The following FAM184B variants were observed in gnomAD, a reference collection of about 807,000 sequenced individuals.
FAM184B encodes the protein protein FAM184B.
In FAM184B, 111 loss-of-function variants were observed where a neutral mutation model predicts 135.9. The ratio of observed to expected loss-of-function variants is 0.82; its 90% CI spans 0.70 to 0.96. The LOEUF is 0.96. Among genes scored for constraint, FAM184B ranks in the 40% least tolerant of loss-of-function variants. The pLI, the probability that FAM184B is intolerant of heterozygous loss-of-function variation, is 0.00. For synonymous variants in FAM184B, 552 were observed against 524.8 expected, an observed-to-expected ratio of 1.05 and a Z score of -0.71; for missense variants, 1,375 against 1,323.9, an observed-to-expected ratio of 1.04 and a Z score of -0.60.
chr4:17,671,706 G>C (rs1052399337), intron 7 of FAM184B, among the ~76,000 whole-genome samples: 1 of 152,022 alleles, frequency 6.6e-6, no homozygotes, highest in African/African-American at 2.4e-5. Context: ...ACCTGACGGA[G>C]AATAAAAATA....
rs1483406044 is a variant in FAM184B, at chr4:17,641,518, G to A, written c.2519+538C>T. 1.6e-4 allele frequency among the ~76,000 whole-genome samples: 18 copies of A among 113,838 alleles called. 1 individual carries two copies. The highest frequency in any genetic ancestry group is 8.7e-4 in the Admixed American group (8 of 9,182). The allele number at this position is 113,838 out of a possible 152,430, so 74.7% of individuals were successfully genotyped here. On this transcript the variant is annotated intron_variant, in intron 13 of 17. Coordinates refer to ENST00000265018, the MANE Select transcript of FAM184B (RefSeq NM_015688.2). The stretch of plus-strand genomic sequence containing the variant: ...TTTTGAGACGGAGTCTTGCATTGTC[G>A]CCCAGGCTGGAGTGCAATGGCGCGA...
chr4:17,688,304 C>T, intron 7 of FAM184B, 120 bp downstream of exon 7: 2 of 669,154 alleles, frequency 3.0e-6, no homozygotes, highest in African/African-American at 1.9e-5. Flanking sequence ...GGCATTTTGG[C>T]AGTGTCGAGG....
chr4:17,642,687 G>C (rs182734750), intron 12 of FAM184B, among the ~76,000 whole-genome samples: 1 of 152,352 alleles, frequency 6.6e-6, no homozygotes, highest in Non-Finnish European at 1.5e-5. Flanking sequence ...ACACTGAAGA[G>C]AATATGTGTC....
At chr4:17,725,401 G>A (rs1053554829) in intron 1 of FAM184B, among the ~76,000 whole-genome samples, 2 of 152,188 alleles carry the variant, frequency 1.3e-5, no homozygotes, top group Non-Finnish European at 2.9e-5. Flanking sequence ...GCCTATTTAA[G>A]AAATGCTATT....
At chr4:17,717,736 A>C (rs1577274749) in intron 1 of FAM184B, among the ~76,000 whole-genome samples, 1 of 152,040 alleles carries the variant, frequency 6.6e-6, no homozygotes, top group Admixed American at 6.6e-5. Context: ...TAAGCATCAG[A>C]TCCTGATGAC....
At chr4:17,778,260 A>G (rs1185670080) in intron 1 of FAM184B, among the ~76,000 whole-genome samples, 1 of 152,228 alleles carries the variant, frequency 6.6e-6, no homozygotes, top group Non-Finnish European at 1.5e-5. Context: ...AACCAGCAAC[A>G]CTTAGTACCA....
In FAM184B at chr4:17,740,308, C is replaced by T. The variant is rs60485431; in HGVS notation, c.142-30664G>A. Among the ~76,000 whole-genome samples the T allele has an allele frequency of 3.8e-3, 521 of 138,664 alleles. 3 individuals are homozygous for T. The highest frequency in any genetic ancestry group is 0.012 in the African/African-American group (445 of 36,986). 91.0% of individuals were successfully genotyped at this position (138,664 alleles called of 152,430 possible). ...CAGAGGTTGCAGTGAGCTGAGATCA[C>T]GCTACTGCACTCCAGCCTGGGCGAC... On this transcript the variant is annotated intron_variant, in intron 1 of 17. Transcript: ENST00000265018.
intron 1 of FAM184B, among the ~76,000 whole-genome samples, chr4:17,756,635 G>A (rs1202171068): frequency 3.3e-5 from 5 of 152,158 alleles, no homozygotes; most frequent in Admixed American, 3.3e-4. Context: ...GCTATTAAAT[G>A]AAGATGGGGT....
chr4:17,632,576 C>T lies in FAM184B; in HGVS notation c.3139G>A (p.Gly1047Ser), dbSNP rs1198236979. 1.3e-6 allele frequency: 2 copies of T among 1,551,278 alleles called. No homozygotes were observed. Among genetic ancestry groups the T allele is most frequent in the Non-Finnish European group, 1.7e-6 (2 of 1,146,836 alleles). The change falls in exon 18 of 18, where the codon GGC becomes AGC. Residue 1047 changes from glycine to serine, a missense_variant. Physicochemically the swap from Gly to Ser is moderately conservative, Grantham distance 56. Transcript: ENST00000265018. Reference protein sequence around the residue: ...AQAKEVQQKQGSPHQEWFTKY... With the variant: ...AQAKEVQQKQSSPHQEWFTKY... ...GTGAACCATTCCTGGTGCGGAGAGCCCTGTTTCTGCTGGACTTCTTTGGCT... is the reference window on the plus strand; with the variant it reads ...GTGAACCATTCCTGGTGCGGAGAGCTCTGTTTCTGCTGGACTTCTTTGGCT...
chr4:17,663,952 CCT>C lies in FAM184B; in HGVS notation c.1694+608_1694+609del, dbSNP rs371754914. ...CGCCATGTAAGATATGCCTGCTTCCCCTTCTGGCATGATTGTAAGTTTCCTGA... is the reference window on the plus strand; with the variant it reads ...CGCCATGTAAGATATGCCTGCTTCCCTCTGGCATGATTGTAAGTTTCCTGA... On this transcript the variant is annotated intron_variant, in intron 8 of 17. Transcript: ENST00000265018. Among the ~76,000 whole-genome samples, 158 of 152,228 alleles carry C rather than the reference CCT, an allele frequency of 1.0e-3. 2 individuals are homozygous for C. The South Asian group carries it at 0.021, about 20-fold the overall frequency.
intron 7 of FAM184B, 82 bp from the exon 8 acceptor site, chr4:17,664,741 T>C (rs1020989854): frequency 1.1e-5 from 13 of 1,204,162 alleles, no homozygotes; most frequent in Non-Finnish European, 1.5e-5. Flanking sequence ...CTGTGGCTTA[T>C]TCAAATCAGA....
At chr4:17,721,108 G>C (rs894064010) in intron 1 of FAM184B, among the ~76,000 whole-genome samples, 8 of 151,330 alleles carry the variant, frequency 5.3e-5, no homozygotes, top group Admixed American at 2.6e-4. Context: ...ATCTCGGCTG[G>C]GCGCGGTGGC....
chr4:17,721,383 CAAAAAAAAA>C (rs61539641), intron 1 of FAM184B, among the ~76,000 whole-genome samples: 2 of 47,384 alleles, frequency 4.2e-5, no homozygotes, highest in African/African-American at 1.6e-4. Context: ...GATTCTGTCT[CAAAAAAAAA>C]AAAAAAAAAA....
intron 6 of FAM184B, among the ~76,000 whole-genome samples, chr4:17,688,972 C>T (rs191878924): frequency 5.2e-4 from 79 of 152,262 alleles, no homozygotes; most frequent in African/African-American, 1.7e-3. Flanking sequence ...GGATTATAGG[C>T]GTAAGCCACT....
At chr4:17,634,922 C>A in intron 16 of FAM184B, 87 bp downstream of exon 16, 1 of 844,550 alleles carries the variant, frequency 1.2e-6, no homozygotes. Flanking sequence ...GAGCGTACAC[C>A]AGCCCTTAAA....
intron 5 of FAM184B, among the ~76,000 whole-genome samples, chr4:17,702,321 T>C (rs1717006179): frequency 6.6e-6 from 1 of 152,160 alleles, no homozygotes; most frequent in Non-Finnish European, 1.5e-5. Flanking sequence ...TCTGCACCCC[T>C]TCCCTAGGAG....
chr4:17,749,015 TA>T (rs1317350809), intron 1 of FAM184B, among the ~76,000 whole-genome samples: 2 of 135,964 alleles, frequency 1.5e-5, no homozygotes, highest in Admixed American at 1.5e-4. Context: ...TTTTTTTTTT[TA>T]AGAGACAGGG....
chr4:17,750,032 T>C (rs1718258454), intron 1 of FAM184B, among the ~76,000 whole-genome samples: 1 of 152,226 alleles, frequency 6.6e-6, no homozygotes, highest in South Asian at 2.1e-4. Context: ...TGTTGTCTTA[T>C]AAATAATGGT....
At chr4:17,710,017 A>AGAGGGTACC (rs1166657804) in intron 1 of FAM184B, among the ~76,000 whole-genome samples, 1 of 152,170 alleles carries the variant, frequency 6.6e-6, no homozygotes, top group African/African-American at 2.4e-5. Flanking sequence ...CAAATCCCGG[A>AGAGGGTACC]ACAAAACATT....
Sources: allele counts gnomAD v4.1 joint callset (sites outside exome capture counted in the v4.1 genomes callset), GRCh38; gene constraint gnomAD v4.1.1; transcripts MANE v1.5; gene names NCBI Gene and HGNC (gene_info 2026-07-23, HGNC 2026-07-21).